The following TMEM108 variants were observed in gnomAD, a reference collection of about 807,000 sequenced individuals.
TMEM108 encodes cancer/testis antigen 124.
In TMEM108, 12 loss-of-function variants were observed where a neutral mutation model predicts 35.1. The ratio of observed to expected loss-of-function variants is 0.34; its 90% CI spans 0.22 to 0.55. The LOEUF (loss-of-function observed/expected upper bound fraction) is 0.55. Among genes scored for constraint, TMEM108 ranks in the 20% least tolerant of loss-of-function variants. The pLI, the probability that TMEM108 is intolerant of heterozygous loss-of-function variation, is 0.89. For synonymous variants in TMEM108, 287 were observed against 308.6 expected, an observed-to-expected ratio of 0.93 and a Z score of 0.73; for missense variants, 680 against 753.3, an observed-to-expected ratio of 0.90 and a Z score of 1.14.
chr3:133,121,946 A>T (rs79555585), intron 2 of TMEM108, among the ~76,000 whole-genome samples: 2,831 of 152,230 alleles, frequency 0.019, 67 homozygotes, highest in African/African-American at 0.063. Context: ...TGTTCTTGTT[A>T]TTGAGTTGCC....
chr3:133,229,111 T>C (rs1437014092), intron 2 of TMEM108, among the ~76,000 whole-genome samples, 155 bp from the exon 3 acceptor site: 1 of 152,216 alleles, frequency 6.6e-6, no homozygotes, highest in Admixed American at 6.5e-5. Flanking sequence ...ACATACACCA[T>C]TGTAAATTAA....
In TMEM108 at chr3:133,097,629, TGAC is replaced by T. The variant is rs1191540146; in HGVS notation, c.-47+51610_-47+51612del. Among the ~76,000 whole-genome samples, 4 of 152,370 alleles carry T rather than the reference TGAC, an allele frequency of 2.6e-5. No individual in the cohort carries two copies. In the East Asian group the frequency reaches 7.7e-4, roughly 29 times the overall value. Reference sequence around the variant, plus strand: ...GTTATTATAGTAATATCTGTTATATTGACTACTACCTATTTTATTGTTCTACTG... The same window carrying T: ...GTTATTATAGTAATATCTGTTATATTTACTACCTATTTTATTGTTCTACTG... On this transcript the variant is annotated intron_variant, in intron 2 of 5. Transcript: ENST00000321871.
chr3:133,217,506 A>G (rs1945926971), intron 2 of TMEM108, among the ~76,000 whole-genome samples: 3 of 151,986 alleles, frequency 2.0e-5, no homozygotes, highest in Admixed American at 2.0e-4. Flanking sequence ...TGACCAAACC[A>G]ATGTCATGGA....
At chr3:133,146,350 G>C (rs1473266636) in intron 2 of TMEM108, among the ~76,000 whole-genome samples, 1 of 152,196 alleles carries the variant, frequency 6.6e-6, no homozygotes, top group Admixed American at 6.5e-5. Context: ...TTGATGTACT[G>C]CTGGATTAGA....
intron 3 of TMEM108, among the ~76,000 whole-genome samples, chr3:133,364,592 A>G (rs1242836818): frequency 9.9e-5 from 15 of 152,226 alleles, no homozygotes; most frequent in Admixed American, 9.2e-4. Flanking sequence ...AGTGGCAGTC[A>G]TGATTAGAGT....
At chr3:133,178,337 GC>G in intron 2 of TMEM108, among the ~76,000 whole-genome samples, 1 of 152,230 alleles carries the variant, frequency 6.6e-6, no homozygotes, top group African/African-American at 2.4e-5. Context: ...CCAAAAAAGA[GC>G]CCACATTGCC....
Position 133,116,430 on chromosome 3 carries a change from A to G in TMEM108, c.-47+70410A>G, listed in dbSNP as rs375393689. 1.5e-4 allele frequency among the ~76,000 whole-genome samples: 23 copies of G among 152,298 alleles called. No individual in the cohort carries two copies. In the East Asian group the frequency reaches 1.5e-3, roughly 10 times the overall value. ...TTGGTGCAAAAAAAATTTGAAATCC[A>G]TGTATAGTTTTTTCTTAATATTCAT... is the stretch of plus-strand genomic sequence containing the variant. On this transcript the variant is annotated intron_variant, in intron 2 of 5. Transcript: ENST00000321871.
intron 2 of TMEM108, among the ~76,000 whole-genome samples, chr3:133,085,172 C>T (rs1943865626): frequency 6.6e-6 from 1 of 152,130 alleles, no homozygotes; most frequent in Non-Finnish European, 1.5e-5. Context: ...GAGAATACAG[C>T]CTGTTCAAAG....
intron 2 of TMEM108, among the ~76,000 whole-genome samples, chr3:133,135,092 C>T (rs566612006): frequency 1.6e-4 from 24 of 151,542 alleles, no homozygotes; most frequent in Non-Finnish European, 3.1e-4. Context: ...TTTCTTTTCC[C>T]ATCTGTTTAT....
intron 3 of TMEM108, among the ~76,000 whole-genome samples, chr3:133,234,217 A>G (rs987382487): frequency 6.6e-6 from 1 of 152,028 alleles, no homozygotes; most frequent in Non-Finnish European, 1.5e-5. Flanking sequence ...TAATTTTTGT[A>G]TAAGGTGTAA....
At chr3:133,072,650 C>T (rs1943689976) in intron 2 of TMEM108, among the ~76,000 whole-genome samples, 1 of 152,018 alleles carries the variant, frequency 6.6e-6, no homozygotes, top group African/African-American at 2.4e-5. Flanking sequence ...AAAATAACAG[C>T]TTTATTGAGT....
intron 2 of TMEM108, among the ~76,000 whole-genome samples, chr3:133,208,770 C>G (rs1945794932): frequency 6.6e-6 from 1 of 151,422 alleles, no homozygotes; most frequent in South Asian, 2.1e-4. Flanking sequence ...GTTTAATGTA[C>G]TCATTCTCAA....
chr3:133,047,722 A>G (rs1039378053), intron 2 of TMEM108, among the ~76,000 whole-genome samples: 53 of 152,008 alleles, frequency 3.5e-4, no homozygotes, highest in African/African-American at 1.2e-3. Flanking sequence ...ATAGTGATTC[A>G]ATCTTGCTCT....
intron 3 of TMEM108, among the ~76,000 whole-genome samples, chr3:133,260,895 C>T (rs78419654): frequency 0.045 from 6,794 of 152,188 alleles, 193 homozygotes; most frequent in Non-Finnish European, 0.065. Flanking sequence ...CAAAAGGATT[C>T]GTTCATGAAT....
chr3:133,343,725 T>C (rs2071731910), intron 3 of TMEM108, among the ~76,000 whole-genome samples: 1 of 151,800 alleles, frequency 6.6e-6, no homozygotes, highest in Non-Finnish European at 1.5e-5. Flanking sequence ...CAGTGAAATG[T>C]TAGGGTGTAT....
At chr3:133,280,133 G>T (rs929167152) in intron 3 of TMEM108, among the ~76,000 whole-genome samples, 1 of 152,092 alleles carries the variant, frequency 6.6e-6, no homozygotes, top group Non-Finnish European at 1.5e-5. Context: ...CTCCCCTGCT[G>T]AGGAGTCTGA....
At chr3:133,319,725 C>T (rs1027876231) in intron 3 of TMEM108, among the ~76,000 whole-genome samples, 17 of 152,252 alleles carry the variant, frequency 1.1e-4, no homozygotes, top group African/African-American at 3.4e-4. Flanking sequence ...CATTCCCTAG[C>T]GCCAACCCAG....
Position 133,361,057 on chromosome 3 carries a change from A to G in TMEM108, c.41-18695A>G, listed in dbSNP as rs138267011. Among the ~76,000 whole-genome samples, 139 of 152,298 alleles carry G rather than the reference A, an allele frequency of 9.1e-4. 5 individuals carry two copies. The East Asian group carries it at 0.018, about 20-fold the overall frequency. ...CCACTTCAAGATCGTGTCTCTTCAT[A>G]CTGGACATAGGAATCAACCTTACTT... is the stretch of plus-strand genomic sequence containing the variant. On this transcript the variant is annotated intron_variant, in intron 3 of 5. Transcript: ENST00000321871.
intron 2 of TMEM108, among the ~76,000 whole-genome samples, chr3:133,186,629 A>G (rs1413817746): frequency 1.3e-5 from 2 of 152,184 alleles, no homozygotes; most frequent in Non-Finnish European, 2.9e-5. Flanking sequence ...TGTGTCCTCC[A>G]TTGATTTGTG....
Sources: gnomAD v4.1 joint callset for allele counts (sites outside exome capture counted in the v4.1 genomes callset) on GRCh38, gnomAD v4.1.1 for gene constraint, MANE v1.5 for transcripts, NCBI Gene and HGNC (gene_info 2026-07-23, HGNC 2026-07-21) for gene names.